CNTN4: variants seen among roughly 807,000 people sequenced by gnomAD.
CNTN4 encodes contactin 4.
Under a neutral mutation model 122.5 loss-of-function variants are expected in CNTN4, and 77 were observed. The ratio of observed to expected loss-of-function variants is 0.63; its 90% CI spans 0.52 to 0.76. The LOEUF (loss-of-function observed/expected upper bound fraction) is 0.76. CNTN4 is among the 30% of genes least tolerant of loss of function. The pLI, the probability that CNTN4 is intolerant of heterozygous loss-of-function variation, is 0.00. For missense variants in CNTN4, 1,256 were observed against 1,259.1 expected (o/e 1.00, Z 0.04); for synonymous variants, 512 against 447.0 (o/e 1.15, Z -1.83).
At chr3:2,955,802 A>G (rs907455263) in intron 13 of CNTN4, among the ~76,000 whole-genome samples, 1 of 152,218 alleles carries the variant, frequency 6.6e-6, no homozygotes, top group African/African-American at 2.4e-5. Context: ...GGAATGGTCA[A>G]AAGTGACAGA....
At chr3:2,368,134 G>A (rs920863854) in intron 3 of CNTN4, among the ~76,000 whole-genome samples, 1 of 148,042 alleles carries the variant, frequency 6.8e-6, no homozygotes, top group African/African-American at 2.5e-5. Flanking sequence ...CTGGGTTCAT[G>A]CCATTCTCCT....
chr3:2,322,537 G>A (rs1213185070), intron 2 of CNTN4, among the ~76,000 whole-genome samples: 1 of 152,064 alleles, frequency 6.6e-6, no homozygotes. Flanking sequence ...CAGGGGCTGG[G>A]GAGTTATTTT....
chr3:2,760,907 G>C (rs1051398407), intron 6 of CNTN4, among the ~76,000 whole-genome samples: 5 of 152,112 alleles, frequency 3.3e-5, no homozygotes, highest in African/African-American at 1.2e-4. Context: ...GAATGTTAGT[G>C]ATTTCCTAAC....
chr3:2,892,524 G>T (rs906344827), intron 10 of CNTN4, among the ~76,000 whole-genome samples: 10 of 152,206 alleles, frequency 6.6e-5, no homozygotes, highest in African/African-American at 2.4e-4. Context: ...TTGAAGAAAG[G>T]AAAGGGAAAT....
At chr3:2,145,185 A>G (rs1157514088) in intron 2 of CNTN4, among the ~76,000 whole-genome samples, 5 of 152,232 alleles carry the variant, frequency 3.3e-5, no homozygotes, top group Admixed American at 1.3e-4. Flanking sequence ...GTGACCCACA[A>G]CTAAAGTCTG....
chr3:2,650,829 C>A (rs977480777), intron 4 of CNTN4, among the ~76,000 whole-genome samples: 1 of 152,112 alleles, frequency 6.6e-6, no homozygotes, highest in African/African-American at 2.4e-5. Context: ...AAACATGACT[C>A]TTGTATGCAA....
At chr3:2,417,864 G>A (rs2047473075) in intron 3 of CNTN4, among the ~76,000 whole-genome samples, 1 of 152,154 alleles carries the variant, frequency 6.6e-6, no homozygotes, top group Non-Finnish European at 1.5e-5. Context: ...GTATTACTAA[G>A]TGAAAAAGCC....
chr3:2,442,430 A>G (rs2048475291), intron 3 of CNTN4, among the ~76,000 whole-genome samples: 1 of 152,174 alleles, frequency 6.6e-6, no homozygotes, highest in Non-Finnish European at 1.5e-5. Context: ...GGCAAATGAG[A>G]AAATTATCTT....
intron 3 of CNTN4, among the ~76,000 whole-genome samples, chr3:2,409,310 T>G (rs1031823405): frequency 4.6e-5 from 7 of 150,920 alleles, no homozygotes; most frequent in Non-Finnish European, 5.9e-5. Context: ...TGCAGTGGCA[T>G]GATCTTGACT....
intron 6 of CNTN4, among the ~76,000 whole-genome samples, chr3:2,817,600 A>T (rs113563233): frequency 6.6e-5 from 10 of 152,326 alleles, no homozygotes; most frequent in African/African-American, 2.4e-4. Flanking sequence ...ATCATTGCCC[A>T]TATTTCTCAT....
chr3:2,951,489 G>T (rs1415074977), intron 13 of CNTN4, among the ~76,000 whole-genome samples: 1 of 152,190 alleles, frequency 6.6e-6, no homozygotes, highest in African/African-American at 2.4e-5. Context: ...GTTCCTAACA[G>T]GCCATGGACC....
At chr3:2,937,038 A>C (rs908973506) in intron 13 of CNTN4, among the ~76,000 whole-genome samples, 1 of 152,112 alleles carries the variant, frequency 6.6e-6, no homozygotes, top group Non-Finnish European at 1.5e-5. Context: ...AGTTTGCCAA[A>C]CTCTGATCTA....
In CNTN4 at chr3:2,900,803, C is replaced by A. The variant is rs146756156; in HGVS notation, c.1059C>A (p.Gly353=). 564 of 1,613,714 alleles carry A rather than the reference C, an allele frequency of 3.5e-4. 2 individuals are homozygous for A. The highest frequency in any genetic ancestry group is 4.5e-4 in the Non-Finnish European group (525 of 1,179,766). ...CTACATACAAGTGGCTAAAAAATGG[C>A]GAACCTCTGCTAACTCGGGTAAGCA... The part of the protein sequence containing the change: ...PKPTYKWLKN[G]EPLLTRDRIQ... Residue 353 remains glycine, a synonymous_variant, in exon 11 of 25, where the codon GGC becomes GGA. Coordinates refer to ENST00000418658, the MANE Select transcript of CNTN4 (RefSeq NM_175607.3).
chr3:2,644,075 A>G (rs933352962), intron 4 of CNTN4, among the ~76,000 whole-genome samples: 4 of 152,124 alleles, frequency 2.6e-5, no homozygotes, highest in African/African-American at 9.7e-5. Context: ...TCCATTTACT[A>G]CTGCCTAAGA....
chr3:2,337,896 T>C (rs2044020252), intron 2 of CNTN4, among the ~76,000 whole-genome samples: 1 of 152,066 alleles, frequency 6.6e-6, no homozygotes, highest in African/African-American at 2.4e-5. Flanking sequence ...TAGCTGTAAA[T>C]AGAGCTTTAG....
At chr3:2,392,464 G>A (rs1286300652) in intron 3 of CNTN4, among the ~76,000 whole-genome samples, 3 of 152,058 alleles carry the variant, frequency 2.0e-5, no homozygotes, top group East Asian at 1.9e-4. Context: ...CAGTCTTCAT[G>A]TTCAAGGAGA....
chr3:2,634,687 A>T (rs570714042), intron 4 of CNTN4, among the ~76,000 whole-genome samples: 2,123 of 133,104 alleles, frequency 0.016, 22 homozygotes, highest in African/African-American at 0.034. Flanking sequence ...AAAAAAAAAA[A>T]ATATATATAT....
chr3:2,908,883 T>TC (rs2094267160), intron 12 of CNTN4, among the ~76,000 whole-genome samples: 1 of 152,080 alleles, frequency 6.6e-6, no homozygotes, highest in Non-Finnish European at 1.5e-5. Context: ...TGGTTCAGTA[T>TC]CCCGGGGGTT....
chr3:2,207,607 A>G (rs1280963986), intron 2 of CNTN4, among the ~76,000 whole-genome samples: 2 of 152,122 alleles, frequency 1.3e-5, no homozygotes, highest in Admixed American at 1.3e-4. Flanking sequence ...ATAGAGAGGT[A>G]AGGAAACTGC....
Sources: gnomAD v4.1 joint callset for allele counts (sites outside exome capture counted in the v4.1 genomes callset) on GRCh38, gnomAD v4.1.1 for gene constraint, MANE v1.5 for transcripts, NCBI Gene and HGNC (gene_info 2026-07-23, HGNC 2026-07-21) for gene names.